NIPBL: variants seen among roughly 807,000 people sequenced by gnomAD.
The protein encoded by NIPBL is nipped-B-like protein.
In NIPBL, 19 loss-of-function variants were observed where a neutral mutation model predicts 321.8. That is an observed-to-expected ratio of 0.06 (90% CI 0.04 to 0.09). The LOEUF is 0.09. NIPBL is among the 10% of genes least tolerant of loss of function. NIPBL has a pLI of 1.00. For missense variants in NIPBL, 2,210 were observed against 3,327.0 expected, an observed-to-expected ratio of 0.66 and a Z score of 8.26; for synonymous variants, 1,106 against 1,114.1, an observed-to-expected ratio of 0.99 and a Z score of 0.14.
chr5:36,979,286 T>G (rs975774563), intron 9 of NIPBL, among the ~76,000 whole-genome samples: 3 of 152,004 alleles, frequency 2.0e-5, no homozygotes, highest in African/African-American at 7.2e-5. Context: ...GTAGTTGTCC[T>G]TGTAAAGCTC....
intron 4 of NIPBL, among the ~76,000 whole-genome samples, chr5:36,960,313 G>A (rs1045043641): frequency 1.1e-4 from 17 of 151,610 alleles, no homozygotes; most frequent in African/African-American, 3.6e-4. Flanking sequence ...TTAATTCAGG[G>A]GGGAAAAGCT....
At chr5:36,958,019 A>T (rs1741173337) in intron 3 of NIPBL, 85 bp from the exon 4 acceptor site, 1 of 1,334,508 alleles carries the variant, frequency 7.5e-7, no homozygotes, top group Non-Finnish European at 1.1e-6. Context: ...TGTTGGCCAT[A>T]CCAGTGTGAT....
In NIPBL at chr5:36,984,824, A is replaced by G. The variant is rs779513147; in HGVS notation, c.1644A>G (p.Ala548=). Residue 548 remains alanine (A), a synonymous_variant, in exon 10 of 47, where the codon GCA becomes GCG. Coordinates refer to ENST00000282516, the MANE Select transcript of NIPBL (RefSeq NM_133433.4). Reference sequence around the variant, plus strand: ...TGGTTAGCATTGATCTTCATCAGGCAGGAAGAGTGGACTCTCAGGCTTCTA... The same window carrying G: ...TGGTTAGCATTGATCTTCATCAGGCGGGAAGAGTGGACTCTCAGGCTTCTA... ...ALMVSIDLHQ[A]GRVDSQASIT... is the part of the protein sequence containing the mutation. The G allele has an allele frequency of 1.9e-6, 3 of 1,613,944 alleles. No homozygotes were observed. The highest frequency in any genetic ancestry group is 1.7e-6 in the Non-Finnish European group (2 of 1,179,874).
chr5:37,003,013 T>G lies in NIPBL; in HGVS notation c.3768+248T>G, dbSNP rs550322483. Among the ~76,000 whole-genome samples the G allele has an allele frequency of 2.0e-5, 3 of 151,980 alleles. No individual in the cohort carries two copies. The South Asian group carries it at 6.2e-4, about 32-fold the overall frequency. On this transcript the variant is annotated intron_variant, in intron 15 of 46. Transcript: ENST00000282516. ...ATGGACTTTAATTTTTTCCAGAGTTTTTTTTTTTCATTTTCTCAAATATTT... is the reference window on the plus strand; with the variant it reads ...ATGGACTTTAATTTTTTCCAGAGTTGTTTTTTTTCATTTTCTCAAATATTT...
intron 43 of NIPBL, 52 bp downstream of exon 43, chr5:37,057,384 C>T (rs745900525): frequency 1.7e-5 from 25 of 1,481,642 alleles, no homozygotes; most frequent in Admixed American, 5.0e-5. Flanking sequence ...TGCAGGCATG[C>T]TGTTTTCACT....
At chr5:36,945,378 ATTG>A (rs1342499352) in intron 1 of NIPBL, among the ~76,000 whole-genome samples, 2 of 152,164 alleles carry the variant, frequency 1.3e-5, no homozygotes, top group African/African-American at 4.8e-5. Flanking sequence ...AGTTTTGCTT[ATTG>A]TTTTATTTCT....
intron 15 of NIPBL, 77 bp from the exon 16 acceptor site, chr5:37,003,184 A>G: frequency 1.1e-6 from 1 of 893,398 alleles, no homozygotes; most frequent in Middle Eastern, 3.2e-4. Context: ...CTCAAAGGGA[A>G]TAATTGTACA....
chr5:36,926,588 A>T (rs1010880550), intron 1 of NIPBL, among the ~76,000 whole-genome samples: 1 of 152,188 alleles, frequency 6.6e-6, no homozygotes, highest in Non-Finnish European at 1.5e-5. Context: ...AAGCTGTAAG[A>T]TTTCTTATCA....
intron 34 of NIPBL, among the ~76,000 whole-genome samples, chr5:37,041,583 G>T (rs993660034): frequency 7.1e-6 from 1 of 140,278 alleles, no homozygotes. Context: ...TTTTTTTTAA[G>T]ACACAGTCTT....
intron 6 of NIPBL, among the ~76,000 whole-genome samples, chr5:36,965,350 A>T (rs1305683506): frequency 6.6e-6 from 1 of 152,146 alleles, no homozygotes; most frequent in East Asian, 1.9e-4. Flanking sequence ...CATAAAAAAG[A>T]ATAAAGTCCT....
rs527545909 is a variant in NIPBL, at chr5:36,962,398, C to A, written c.610+124C>A. On this transcript the variant is annotated intron_variant, in intron 6 of 46. Transcript: ENST00000282516. ...ACTATACTGTATACTTGTCAGTAAA[C>A]CTTTTTAAAGATATGGCTTAAATCA... The A allele has an allele frequency of 4.9e-6, 5 of 1,014,152 alleles. No homozygotes were observed. In the African/African-American group the frequency reaches 6.5e-5, roughly 13 times the overall value. 62.8% of individuals were successfully genotyped at this position (1,014,152 alleles called of 1,614,324 possible).
At chr5:37,046,555 TA>T (rs1209441935) in intron 38 of NIPBL, among the ~76,000 whole-genome samples, 1 of 152,256 alleles carries the variant, frequency 6.6e-6, no homozygotes, top group Non-Finnish European at 1.5e-5. Flanking sequence ...TGCATTTTTT[TA>T]ATTGTTCTTT....
chr5:36,963,362 A>G (rs945616194), intron 6 of NIPBL, among the ~76,000 whole-genome samples: 16 of 152,140 alleles, frequency 1.1e-4, no homozygotes, highest in Non-Finnish European at 7.4e-5. Context: ...TTTATTCATT[A>G]ATAAACTTAT....
rs575095971 is a variant in NIPBL at position 36,893,602 on chromosome 5, G to A, written c.-80+16424G>A. On this transcript the variant is annotated intron_variant, in intron 1 of 46. Coordinates refer to ENST00000282516, the MANE Select transcript of NIPBL (RefSeq NM_133433.4). ...ATTCAGTAAGAATTGAATAACTGCA[G>A]TGTGTTCAGCAATGAATACTAGATA... is the stretch of plus-strand genomic sequence containing the variant. 4.1e-4 allele frequency among the ~76,000 whole-genome samples: 63 copies of A among 151,914 alleles called. 1 individual carries two copies. The highest frequency in any genetic ancestry group is 6.8e-3 in the Middle Eastern group (2 of 294).
In NIPBL at chr5:37,000,498, G is replaced by T; in HGVS notation, c.3430G>T (p.Gly1144Cys). The change falls in exon 12 of 47, where the codon GGT becomes TGT. Residue 1144 changes from glycine to cysteine, a missense_variant. Transcript: ENST00000282516. ...SHEGRRSSGG[G>C]RYRNRSPSDS... is the part of the protein sequence containing the mutation. ...TGAAGGAAGAAGGAGTTCAGGTGGT[G>T]GTCGTTATCGAAACCGAAGTCCGTC... The T allele has an allele frequency of 6.2e-7, 1 of 1,613,474 alleles. No individual in the cohort carries two copies. Among genetic ancestry groups the T allele is most frequent in the East Asian group, 2.2e-5 (1 of 44,868 alleles).
chr5:37,016,243 A>T, intron 23 of NIPBL, 73 bp downstream of exon 23: 1 of 1,440,356 alleles, frequency 6.9e-7, no homozygotes, highest in Admixed American at 1.7e-5. Context: ...TGATTCACAG[A>T]TGATGAATTC....
At chr5:36,879,690 A>G (rs912551131) in intron 1 of NIPBL, among the ~76,000 whole-genome samples, 2 of 152,176 alleles carry the variant, frequency 1.3e-5, no homozygotes, top group South Asian at 2.1e-4. Context: ...GAAGTGTTCC[A>G]GTAACCTTAT....
At chr5:36,963,558 G>A (rs897485619) in intron 6 of NIPBL, among the ~76,000 whole-genome samples, 1 of 151,724 alleles carries the variant, frequency 6.6e-6, no homozygotes, top group Admixed American at 6.6e-5. Context: ...TCCCAGCACT[G>A]TAGGAGGCTG....
At chr5:37,061,970 T>C (rs1357186114) in intron 45 of NIPBL, among the ~76,000 whole-genome samples, 1 of 152,284 alleles carries the variant, frequency 6.6e-6, no homozygotes, top group Non-Finnish European at 1.5e-5. Context: ...GCCTCCCGCA[T>C]AGCTGGGATT....
Sources: allele counts gnomAD v4.1 joint callset (sites outside exome capture counted in the v4.1 genomes callset), GRCh38; gene constraint gnomAD v4.1.1; transcripts MANE v1.5; gene names NCBI Gene and HGNC (gene_info 2026-07-23, HGNC 2026-07-21).